STK24: variants seen among roughly 807,000 people sequenced by gnomAD.
The protein encoded by STK24 is serine/threonine-protein kinase 24.
In STK24, 21 loss-of-function variants were observed where a neutral mutation model predicts 55.6. That is an observed-to-expected ratio of 0.38 (90% CI 0.27 to 0.54). The LOEUF (loss-of-function observed/expected upper bound fraction) is 0.54. STK24 is among the 20% of genes least tolerant of loss of function. STK24 has a pLI of 0.79. For synonymous variants in STK24, 200 were observed against 215.2 expected, an observed-to-expected ratio of 0.93 and a Z score of 0.62; for missense variants, 383 against 538.4, an observed-to-expected ratio of 0.71 and a Z score of 2.86.
In STK24 at chr13:98,531,691, AG is replaced by A. The variant is rs1297563884; in HGVS notation, c.43-12219del. On this transcript the variant is annotated intron_variant, in intron 1 of 10. Coordinates refer to ENST00000539966, the MANE Select transcript of STK24 (RefSeq NM_001032296.4). ...GACATCAGGGCTCCTCTTGAAGCCA[AG>A]GAACAAATTTGAATCCCTGTTCTCC... 5.3e-5 allele frequency among the ~76,000 whole-genome samples: 8 copies of A among 152,320 alleles called. No homozygotes were observed. In the East Asian group the frequency reaches 1.4e-3, roughly 26 times the overall value.
At chr13:98,494,864 C>A (rs1458900874) in intron 2 of STK24, among the ~76,000 whole-genome samples, 1 of 152,192 alleles carries the variant, frequency 6.6e-6, no homozygotes. Context: ...CACAAACACC[C>A]AGCTAAAGGC....
At chr13:98,471,063 G>A (rs1047722009) in intron 5 of STK24, among the ~76,000 whole-genome samples, 4 of 152,210 alleles carry the variant, frequency 2.6e-5, no homozygotes, top group African/African-American at 9.6e-5. Context: ...AATAAAGCCT[G>A]CTGTCTCCTG....
intron 10 of STK24, chr13:98,456,776 AGCT>A (rs1893477871): frequency 2.8e-6 from 1 of 351,196 alleles, no homozygotes. Flanking sequence ...ACCACACCAA[AGCT>A]GCTGTCATTT....
rs1421390122 is a variant in STK24, at chr13:98,576,316, G to GCCTGGGGGACGCGT, written c.42+415_42+428dup. 3 of 769,368 alleles carry GCCTGGGGGACGCGT rather than the reference G, an allele frequency of 3.9e-6. No homozygotes were observed. The African/African-American group carries it at 5.7e-5, about 15-fold the overall frequency. The allele number at this position is 769,368 out of a possible 1,614,324, so 47.7% of individuals were successfully genotyped here. A position where few individuals can be genotyped will look rare whatever the true frequency, so the allele number is the denominator to read the frequency against. ...CCGCCTGCCCGGGGGTGGGGGACGA[G>GCCTGGGGGACGCGT]CCTGGGGGACGCGTCCTGGGGCCCT... On this transcript the variant is annotated intron_variant, in intron 1 of 10. Transcript: ENST00000539966.
chr13:98,527,995 T>C lies in STK24; in HGVS notation c.43-8522A>G, dbSNP rs1284538678. ...AGCAAAAGGAGAGCTCTGGGGGCGA[T>C]GGTCTCCTCAGCCACAGCTCCCTAG... On this transcript the variant is annotated intron_variant, in intron 1 of 10. Coordinates refer to ENST00000539966, the MANE Select transcript of STK24 (RefSeq NM_001032296.4). Among the ~76,000 whole-genome samples, 4 of 152,148 alleles carry C rather than the reference T, an allele frequency of 2.6e-5. No individual in the cohort carries two copies. The East Asian group carries it at 7.7e-4, about 29-fold the overall frequency.
intron 1 of STK24, among the ~76,000 whole-genome samples, chr13:98,556,924 ACTC>A (rs530641105): frequency 1.2e-3 from 185 of 152,182 alleles, no homozygotes; most frequent in African/African-American, 4.4e-3. Context: ...GTTAAAAGGA[ACTC>A]CTGTCGTCTA....
At chr13:98,547,814 A>C (rs891465139) in intron 1 of STK24, among the ~76,000 whole-genome samples, 3 of 152,254 alleles carry the variant, frequency 2.0e-5, no homozygotes, top group African/African-American at 7.2e-5. Context: ...GAGAAAATAC[A>C]TGATGTGCAA....
chr13:98,476,052 T>A (rs1338337591), intron 3 of STK24, among the ~76,000 whole-genome samples: 1 of 151,898 alleles, frequency 6.6e-6, no homozygotes, highest in Non-Finnish European at 1.5e-5. Context: ...ATAACTATTA[T>A]ATTATCCCTA....
intron 1 of STK24, among the ~76,000 whole-genome samples, chr13:98,540,018 C>A (rs772745610): frequency 1.3e-5 from 2 of 152,216 alleles, no homozygotes; most frequent in Non-Finnish European, 2.9e-5. Flanking sequence ...ATCCAAACAA[C>A]AGAATACGAT....
intron 2 of STK24, among the ~76,000 whole-genome samples, chr13:98,513,836 A>G (rs1036595838): frequency 1.3e-5 from 2 of 152,224 alleles, no homozygotes; most frequent in African/African-American, 4.8e-5. Context: ...TCTGAGGCAT[A>G]GGAGAGTTCA....
intron 1 of STK24, among the ~76,000 whole-genome samples, chr13:98,561,593 G>C (rs538150126): frequency 1.3e-5 from 2 of 151,634 alleles, no homozygotes; most frequent in South Asian, 4.2e-4. Flanking sequence ...AAGAAAGAAA[G>C]AAAGAAAGCA....
At chr13:98,461,218 G>A (rs1172419717) in intron 8 of STK24, among the ~76,000 whole-genome samples, 2 of 152,232 alleles carry the variant, frequency 1.3e-5, no homozygotes, top group Admixed American at 6.5e-5. Flanking sequence ...ATCAAAGCGG[G>A]ACTTGTAGGA....
At chr13:98,533,039 A>G (rs1187932960) in intron 1 of STK24, among the ~76,000 whole-genome samples, 1 of 152,266 alleles carries the variant, frequency 6.6e-6, no homozygotes, top group East Asian at 1.9e-4. Flanking sequence ...ATTGGCACAA[A>G]GAGAAATTAA....
chr13:98,532,410 A>T (rs2139404281), intron 1 of STK24, among the ~76,000 whole-genome samples: 1 of 150,928 alleles, frequency 6.6e-6, no homozygotes, highest in East Asian at 2.0e-4. Flanking sequence ...TCCACCAAAG[A>T]CCCATCCCAC....
chr13:98,566,955 A>C (rs954958885), intron 1 of STK24, among the ~76,000 whole-genome samples: 4 of 152,220 alleles, frequency 2.6e-5, no homozygotes, highest in African/African-American at 9.6e-5. Context: ...ACACGCTTCC[A>C]AAGTTCGACG....
intron 1 of STK24, among the ~76,000 whole-genome samples, chr13:98,523,639 C>T (rs745603373): frequency 1.1e-4 from 17 of 152,328 alleles, no homozygotes; most frequent in African/African-American, 3.1e-4. Context: ...ACTTCCTCGA[C>T]GCCAGCTGAG....
chr13:98,476,246 C>CCA (rs1438890730), intron 3 of STK24, among the ~76,000 whole-genome samples: 1 of 138,892 alleles, frequency 7.2e-6, no homozygotes, highest in Non-Finnish European at 1.5e-5. Flanking sequence ...GGAAGCCCCC[C>CCA]CCCGCCCCCT....
Position 98,513,617 on chromosome 13 carries a change from A to AGAGTTTCTCCATATGGTGGAGTCTC in STK24, c.273+5601_273+5625dup, listed in dbSNP as rs1314400828. Among the ~76,000 whole-genome samples, 75 of 152,332 alleles carry AGAGTTTCTCCATATGGTGGAGTCTC rather than the reference A, an allele frequency of 4.9e-4. No homozygotes were observed. In the Middle Eastern group the frequency reaches 0.01, roughly 21 times the overall value. On this transcript the variant is annotated intron_variant, in intron 2 of 10. Transcript: ENST00000539966. ...TCACAGAAGCCCTTCAGACTGCACA[A>AGAGTTTCTCCATATGGTGGAGTCTC]GAGTTTCTCCATATGGTGGAGTCTC...
At chr13:98,543,600 GAC>G (rs773348744) in intron 1 of STK24, among the ~76,000 whole-genome samples, 20 of 152,204 alleles carry the variant, frequency 1.3e-4, no homozygotes, top group Admixed American at 6.5e-4. Flanking sequence ...GCTGCAGAGA[GAC>G]AGAGAATACA....
Sources: gnomAD v4.1 joint callset for allele counts (sites outside exome capture counted in the v4.1 genomes callset) on GRCh38, gnomAD v4.1.1 for gene constraint, MANE v1.5 for transcripts, NCBI Gene and HGNC (gene_info 2026-07-23, HGNC 2026-07-21) for gene names.